The following KIFC3 variants were observed in gnomAD, a reference collection of about 807,000 sequenced individuals.
The protein encoded by KIFC3 is kinesin family member C3, also known as kinesin-like protein KIFC3.
Under a neutral mutation model 101.8 loss-of-function variants are expected in KIFC3, and 60 were observed. The ratio of observed to expected loss-of-function variants is 0.59; its 90% CI spans 0.48 to 0.73. KIFC3 has a LOEUF of 0.73. Ranked by LOEUF, KIFC3 falls within the 30% of genes least tolerant of loss-of-function variation. The pLI is 0.00. For synonymous variants in KIFC3, 476 were observed against 482.7 expected, an observed-to-expected ratio of 0.99 and a Z score of 0.18; for missense variants, 966 against 1,137.1, an observed-to-expected ratio of 0.85 and a Z score of 2.16.
intron 1 of KIFC3, among the ~76,000 whole-genome samples, chr16:57,838,918 GA>G (rs1396455286): frequency 2.2e-4 from 33 of 152,302 alleles, no homozygotes; most frequent in African/African-American, 7.9e-4. Flanking sequence ...TGACATGGAT[GA>G]AATGGCCCCT....
intron 3 of KIFC3, chr16:57,776,381 AGTCT>A: frequency 1.0e-6 from 1 of 985,106 alleles, no homozygotes; most frequent in Middle Eastern, 5.2e-4. Flanking sequence ...TCTGTTGCCA[AGTCT>A]TCACCTCTGG....
chr16:57,835,597 G>A (rs571600776), intron 1 of KIFC3, among the ~76,000 whole-genome samples: 5 of 152,198 alleles, frequency 3.3e-5, no homozygotes, highest in Non-Finnish European at 7.3e-5. Context: ...ACTAGGAACA[G>A]AGGAACCGTG....
intron 3 of KIFC3, chr16:57,779,389 G>A (rs1342770558): frequency 6.6e-6 from 1 of 152,198 alleles, no homozygotes; most frequent in African/African-American, 2.4e-5. Flanking sequence ...GGAGACAGAT[G>A]GCGAATGAGG....
chr16:57,844,362 G>C (rs553994890), intron 1 of KIFC3, among the ~76,000 whole-genome samples: 2 of 151,224 alleles, frequency 1.3e-5, no homozygotes, highest in Admixed American at 1.3e-4. Flanking sequence ...CCCGGGAGGC[G>C]GAGGTTGCAG....
chr16:57,770,655 C>T lies in KIFC3; in HGVS notation c.811G>A (p.Ala271Thr), dbSNP rs1297898108. The change falls in exon 7 of 20, where the codon GCC becomes ACC. Residue 271 changes from alanine to threonine, a missense_variant. Around this residue, in one of 2 missense-constraint regions of KIFC3, gnomAD observed 689 missense variants for 884.6 expected, o/e 0.78. Coordinates refer to ENST00000445690, the MANE Select transcript of KIFC3 (RefSeq NM_001130100.2). ...TTCCGGGCCTGGGACTCGCTGAGGG[C>T]CTGCTTGGTCTTGGACGACTCCACC... ...VEVESSKTKQ[A>T]LSESQARNQH... The T allele has an allele frequency of 7.7e-6, 12 of 1,558,214 alleles. No individual in the cohort carries two copies. The highest frequency in any genetic ancestry group is 6.1e-6 in the Non-Finnish European group (7 of 1,152,014).
At chr16:57,816,623 C>T (rs1555628891) in intron 1 of KIFC3, 1 of 456,684 alleles carries the variant, frequency 2.2e-6, no homozygotes, top group Non-Finnish European at 4.4e-6. Context: ...GAGCTGTGCT[C>T]CAGAAACCAG....
intron 4 of KIFC3, 101 bp downstream of exon 4, chr16:57,772,122 G>T (rs782219826): frequency 1.0e-6 from 1 of 984,456 alleles, no homozygotes; most frequent in Non-Finnish European, 1.5e-6. Context: ...TGGGATATGC[G>T]GGCTCAGGAG....
intron 1 of KIFC3, among the ~76,000 whole-genome samples, chr16:57,847,686 T>C (rs1407211417): frequency 6.6e-6 from 1 of 151,882 alleles, no homozygotes; most frequent in African/African-American, 2.4e-5. Context: ...TAAGAGAACA[T>C]TGAGACTTTT....
intron 11 of KIFC3, among the ~76,000 whole-genome samples, chr16:57,764,627 G>A (rs2050244882): frequency 6.6e-6 from 1 of 152,352 alleles, no homozygotes; most frequent in East Asian, 1.9e-4. Context: ...GAGAACAGGA[G>A]GGCACAGGCC....
At chr16:57,815,064 C>T (rs782288945) in intron 1 of KIFC3, among the ~76,000 whole-genome samples, 1 of 152,186 alleles carries the variant, frequency 6.6e-6, no homozygotes, top group Non-Finnish European at 1.5e-5. Context: ...TGCTCTAGGA[C>T]ACGCAGGCCT....
upstream of KIFC3, chr16:57,807,945 A>ACAAAC (rs1302439999): frequency 7.2e-4 from 97 of 133,810 alleles, no homozygotes; most frequent in African/African-American, 3.7e-3. Flanking sequence ...AAAAAAAAAA[A>ACAAAC]AAAAAAAAAA....
chr16:57,862,850 C>T (rs774071063), exon 1 of KIFC3: 22 of 1,238,612 alleles, frequency 1.8e-5, no homozygotes, highest in South Asian at 2.5e-5. Flanking sequence ...CCGAGCAATA[C>T]GTTTTACTGG....
intron 1 of KIFC3, among the ~76,000 whole-genome samples, chr16:57,836,388 C>T (rs748258588): frequency 2.6e-5 from 4 of 152,154 alleles, no homozygotes; most frequent in Non-Finnish European, 4.4e-5. Flanking sequence ...GCTGGCATTA[C>T]AGGTTTGAGC....
intron 1 of KIFC3, among the ~76,000 whole-genome samples, chr16:57,840,910 A>C (rs1596846496): frequency 6.6e-6 from 1 of 152,244 alleles, no homozygotes. Context: ...TGGAAGCCTC[A>C]CCAGCAGATA....
At chr16:57,790,548 G>T (rs58192532) in intron 3 of KIFC3, among the ~76,000 whole-genome samples, 1 of 152,220 alleles carries the variant, frequency 6.6e-6, no homozygotes, top group East Asian at 1.9e-4. Context: ...GGCAAGGCCC[G>T]TGTGTGAAGC....
intron 12 of KIFC3, 52 bp downstream of exon 12, chr16:57,764,091 G>A (rs1402581067): frequency 3.1e-6 from 4 of 1,295,008 alleles, no homozygotes; most frequent in African/African-American, 1.5e-5. Context: ...GAGGGAGCCC[G>A]CATTCCCTTC....
chr16:57,760,810 G>A lies in KIFC3; in HGVS notation c.2148C>T (p.Gly716=). 6.2e-7 allele frequency: 1 copy of A among 1,613,618 alleles called. No homozygotes were observed. The highest frequency in any genetic ancestry group is 2.2e-5 in the East Asian group (1 of 44,872). The stretch of plus-strand genomic sequence containing the variant: ...GCTTGGAGTTGCGGAAGGGCACGTG[G>A]CCCTGGCGGGAGCGCAGGGCAGCAA... The part of the protein sequence containing the change: ...DVIAALRSRQ[G]HVPFRNSKLT... Residue 716 remains glycine (G), a synonymous_variant, in exon 16 of 20, where the codon GGC becomes GGT. Transcript: ENST00000445690.
chr16:57,813,459 C>A lies in KIFC3; in HGVS notation c.109-15177G>T, dbSNP rs150680719. Reference sequence around the variant, plus strand: ...AGATAACCCAGAAAGCACGCACTGCCCCCACGCTACTCCACCCCCTCCACG... The same window carrying A: ...AGATAACCCAGAAAGCACGCACTGCACCCACGCTACTCCACCCCCTCCACG... On this transcript the variant is annotated intron_variant, in intron 1 of 2. Transcript: ENST00000563028. Among the ~76,000 whole-genome samples, 331 of 152,172 alleles carry A rather than the reference C, an allele frequency of 2.2e-3. 1 individual carries two copies. Among genetic ancestry groups the A allele is most frequent in the African/African-American group, 7.7e-3 (320 of 41,518 alleles).
intron 3 of KIFC3, among the ~76,000 whole-genome samples, chr16:57,773,455 C>G (rs1343576616): frequency 3.3e-5 from 5 of 152,304 alleles, no homozygotes; most frequent in Middle Eastern, 3.4e-3. Flanking sequence ...GAGGCCTAGG[C>G]CAGCCTGAGC....
Sources: gnomAD v4.1 joint callset for allele counts (sites outside exome capture counted in the v4.1 genomes callset) on GRCh38, gnomAD v4.1.1 for gene constraint, gnomAD v4.1.1 regional missense constraint, MANE v1.5 for transcripts, NCBI Gene and HGNC (gene_info 2026-07-23, HGNC 2026-07-21) for gene names.